Variants in ANO5 observed in about 807,000 individuals in gnomAD.
ANO5 encodes anoctamin-5.
A neutral mutation model predicts 121.0 loss-of-function variants in ANO5; 109 were observed. The ratio of observed to expected loss-of-function variants is 0.90; its 90% CI spans 0.77 to 1.06. The LOEUF (loss-of-function observed/expected upper bound fraction) is 1.06, where lower values mean the gene tolerates loss of function less well. ANO5 is among the 50% of genes least tolerant of loss of function. ANO5 has a pLI of 0.00. For missense variants in ANO5, 1,064 were observed against 1,078.5 expected, an observed-to-expected ratio of 0.99 and a Z score of 0.19; for synonymous variants, 406 against 359.9, an observed-to-expected ratio of 1.13 and a Z score of -1.45.
At chr11:22,203,881 T>C in intron 2 of ANO5, 31 bp downstream of exon 2, 2 of 1,365,674 alleles carry the variant, frequency 1.5e-6, no homozygotes, top group Non-Finnish European at 2.1e-6. Flanking sequence ...TTAACTTCCT[T>C]ATAAGTCAGA....
intron 2 of ANO5, among the ~76,000 whole-genome samples, chr11:22,209,584 A>G (rs1465196070): frequency 6.6e-6 from 1 of 151,926 alleles, no homozygotes; most frequent in Non-Finnish European, 1.5e-5. Context: ...AAAGCTCCTT[A>G]TTCACTGTAT....
At chr11:22,270,161 T>G in intron 17 of ANO5, 151 bp from the exon 18 acceptor site, 1 of 998,248 alleles carries the variant, frequency 1.0e-6, no homozygotes. Flanking sequence ...AGATTTTGAC[T>G]TGCGCTTTGG....
At position 22,281,412 on chromosome 11, in the gene ANO5, T is replaced by C. The variant is rs886048133; in HGVS notation, c.*1647T>C. The C allele has an allele frequency of 6.6e-6, 1 of 152,070 alleles. No individual in the cohort carries two copies. The highest frequency in any genetic ancestry group is 1.5e-5 in the Non-Finnish European group (1 of 67,922). 9.4% of individuals were successfully genotyped at this position (152,070 alleles called of 1,614,324 possible). On this transcript the variant is annotated 3_prime_UTR_variant, in exon 22 of 22. Transcript: ENST00000324559. ...AGTTTGGACTGGGACTAATCCCCAG[T>C]ACTGATTTGTCATCCACTGAGTAGA...
At chr11:22,243,576 A>T (rs1590272308) in intron 9 of ANO5, among the ~76,000 whole-genome samples, 1 of 151,902 alleles carries the variant, frequency 6.6e-6, no homozygotes, top group South Asian at 2.1e-4. Context: ...GTAGATTTTT[A>T]AATTAATGAT....
chr11:22,193,509 TC>T lies in ANO5; in HGVS notation c.19del (p.Leu7TrpfsTer15). Reference sequence around the variant, plus strand: ...CTGGCGAAGATGGGCGACCCGGATCTCCTGGAAGTGTTGGCGGAGGAAGGTA... The same window carrying T: ...CTGGCGAAGATGGGCGACCCGGATCTCTGGAAGTGTTGGCGGAGGAAGGTA... MGDPD[L>X]LEVLAEEGEK... On this transcript the variant is annotated frameshift_variant, in exon 1 of 22. Transcript: ENST00000324559. LOFTEE classifies it high-confidence loss of function. 6.2e-7 allele frequency: 1 copy of T among 1,613,120 alleles called. No individual in the cohort carries two copies. Among genetic ancestry groups the T allele is most frequent in the Admixed American group, 1.7e-5 (1 of 59,958 alleles).
In ANO5 at chr11:22,229,816, G is replaced by A. The variant is rs563307550; in HGVS notation, c.648+2230G>A. On this transcript the variant is annotated intron_variant, in intron 7 of 21. Coordinates refer to ENST00000324559, the MANE Select transcript of ANO5 (RefSeq NM_213599.3). The stretch of plus-strand genomic sequence containing the variant: ...ACACTTTATCTTCCTTCATAGTGTA[G>A]CAACATTGTTCTTGCTTTATTGAGG... Among the ~76,000 whole-genome samples the A allele has an allele frequency of 3.3e-5, 5 of 152,018 alleles. No individual in the cohort carries two copies. In the South Asian group the frequency reaches 1.0e-3, roughly 32 times the overall value.
intron 6 of ANO5, among the ~76,000 whole-genome samples, chr11:22,226,687 C>G (rs1439708822): frequency 6.6e-6 from 1 of 151,996 alleles, no homozygotes; most frequent in African/African-American, 2.4e-5. Context: ...TCCAGCCTTG[C>G]CAACAGAGTG....
At chr11:22,266,690 A>G (rs1854378113) in intron 17 of ANO5, among the ~76,000 whole-genome samples, 1 of 152,040 alleles carries the variant, frequency 6.6e-6, no homozygotes, top group Admixed American at 6.6e-5. Context: ...TTGGTTATAT[A>G]TGTTGAAAAT....
chr11:22,250,886 TTCC>T (rs1223508184), intron 11 of ANO5, 40 bp downstream of exon 11: 2 of 1,609,946 alleles, frequency 1.2e-6, no homozygotes, highest in East Asian at 4.5e-5. Context: ...ACTTGGAATT[TTCC>T]TCCTTTTTAT....
intron 7 of ANO5, among the ~76,000 whole-genome samples, chr11:22,230,046 GAT>G (rs1450012330): frequency 6.6e-6 from 1 of 151,896 alleles, no homozygotes; most frequent in East Asian, 1.9e-4. Context: ...CCATATATGT[GAT>G]ATGTTTGTTT....
chr11:22,217,086 A>G (rs1852469302), intron 3 of ANO5, among the ~76,000 whole-genome samples: 3 of 151,988 alleles, frequency 2.0e-5, no homozygotes. Context: ...AACAACAGCA[A>G]TACTAACTCC....
chr11:22,235,475 G>C (rs1853183729), intron 7 of ANO5, among the ~76,000 whole-genome samples: 1 of 151,944 alleles, frequency 6.6e-6, no homozygotes, highest in African/African-American at 2.4e-5. Context: ...TCCTTGAATG[G>C]TGAAATGTAA....
chr11:22,195,846 G>C (rs770224089), intron 1 of ANO5, among the ~76,000 whole-genome samples: 1 of 152,110 alleles, frequency 6.6e-6, no homozygotes, highest in Non-Finnish European at 1.5e-5. Flanking sequence ...GAGGAATACC[G>C]TATATTTGAT....
chr11:22,262,884 G>C, intron 16 of ANO5, 62 bp from the exon 17 acceptor site: 1 of 1,227,230 alleles, frequency 8.1e-7, no homozygotes, highest in Admixed American at 1.7e-5. Context: ...TTTCCTTTAG[G>C]TGTTGCAAAA....
chr11:22,254,662 A>AT (rs1853934399), intron 12 of ANO5, among the ~76,000 whole-genome samples: 1 of 151,662 alleles, frequency 6.6e-6, no homozygotes, highest in South Asian at 2.1e-4. Context: ...GTAATGGAAT[A>AT]TTTTTTATAT....
At chr11:22,258,929 C>T (rs765067852) in intron 14 of ANO5, among the ~76,000 whole-genome samples, 2 of 151,946 alleles carry the variant, frequency 1.3e-5, no homozygotes, top group South Asian at 2.1e-4. Flanking sequence ...GTCAGGAGAT[C>T]GAGACTATCC....
chr11:22,253,422 A>G lies in ANO5; in HGVS notation c.1181-1949A>G, dbSNP rs375802127. Among the ~76,000 whole-genome samples, 88 of 152,274 alleles carry G rather than the reference A, an allele frequency of 5.8e-4. 1 individual carries two copies. The South Asian group carries it at 0.018, about 31-fold the overall frequency. ...ACTTTGAGACAAGAAATTTTAAATG[A>G]TTAGTGTATTTAAAAGTTTTAGCAG... On this transcript the variant is annotated intron_variant, in intron 12 of 21. Transcript: ENST00000324559.
chr11:22,276,560 C>T (rs912060074), intron 21 of ANO5, among the ~76,000 whole-genome samples: 1 of 151,732 alleles, frequency 6.6e-6, no homozygotes, highest in Non-Finnish European at 1.5e-5. Flanking sequence ...CCTTATCGCT[C>T]ACCTTTGAAA....
chr11:22,231,303 C>G (rs1853033245), intron 7 of ANO5, among the ~76,000 whole-genome samples: 2 of 151,710 alleles, frequency 1.3e-5, no homozygotes, highest in South Asian at 4.2e-4. Flanking sequence ...TAAGCATTTT[C>G]CAATATTTCA....
Sources: gnomAD v4.1 joint callset for allele counts (sites outside exome capture counted in the v4.1 genomes callset) on GRCh38, gnomAD v4.1.1 for gene constraint, MANE v1.5 for transcripts, NCBI Gene and HGNC (gene_info 2026-07-23, HGNC 2026-07-21) for gene names.